Variants in TLN2 observed in about 807,000 individuals in gnomAD.
TLN2 encodes talin 2.
Under a neutral mutation model 294.7 loss-of-function variants are expected in TLN2, and 118 were observed. The ratio of observed to expected loss-of-function variants is 0.40; its 90% CI spans 0.34 to 0.47. TLN2 has a LOEUF of 0.47. Ranked by LOEUF, TLN2 falls within the 20% of genes least tolerant of loss-of-function variation. TLN2 has a pLI of 0.84. For missense variants in TLN2, 3,083 were observed against 3,282.2 expected, an observed-to-expected ratio of 0.94 and a Z score of 1.48; for synonymous variants, 1,431 against 1,304.5, an observed-to-expected ratio of 1.10 and a Z score of -2.09.
Position 62,694,379 on chromosome 15 carries a change from G to A in TLN2, c.1279G>A (p.Val427Ile), listed in dbSNP as rs757965110. The A allele has an allele frequency of 4.5e-5, 72 of 1,613,776 alleles. No homozygotes were observed. Among genetic ancestry groups the A allele is most frequent in the Non-Finnish European group, 5.8e-5 (69 of 1,179,904 alleles). ...DEESTMLEESVSPKKSTILQQ... is the reference protein window; with the variant it reads ...DEESTMLEESISPKKSTILQQ... ...GGAGTCAACCATGTTAGAAGAGTCC[G>A]TTTCCCCAAAAAAGTAAGTATTATG... The change falls in exon 14 of 59, where the codon GTT becomes ATT. Residue 427 changes from valine (V) to isoleucine (I), a missense_variant. Physicochemically the swap from Val to Ile is conservative, Grantham distance 29. Coordinates refer to ENST00000636159, the MANE Select transcript of TLN2 (RefSeq NM_015059.3).
At chr15:62,745,606 C>T (rs975156585) in intron 32 of TLN2, among the ~76,000 whole-genome samples, 9 of 152,106 alleles carry the variant, frequency 5.9e-5, no homozygotes, top group Non-Finnish European at 1.3e-4. Context: ...TCCTTAATCA[C>T]GTAACACATA....
intron 11 of TLN2, 63 bp from the exon 12 acceptor site, chr15:62,686,578 T>C: frequency 6.5e-7 from 1 of 1,539,604 alleles, no homozygotes; most frequent in South Asian, 1.2e-5. Context: ...AAATCACTGA[T>C]TCCCTGGCAA....
chr15:62,496,244 A>G (rs114812878), intron 1 of TLN2, among the ~76,000 whole-genome samples: 107 of 152,342 alleles, frequency 7.0e-4, no homozygotes, highest in African/African-American at 2.5e-3. Flanking sequence ...TACGAAGAGA[A>G]GCAGCTTATT....
At chr15:62,652,160 G>A in intron 6 of TLN2, 26 bp downstream of exon 6, 1 of 1,486,012 alleles carries the variant, frequency 6.7e-7, no homozygotes, top group Non-Finnish European at 9.0e-7. Context: ...CCTTCATTAT[G>A]TCTTTTTGCT....
intron 1 of TLN2, among the ~76,000 whole-genome samples, chr15:62,547,195 C>T (rs1437212502): frequency 2.6e-5 from 4 of 152,180 alleles, no homozygotes; most frequent in African/African-American, 4.8e-5. Context: ...AATTTTTCAG[C>T]CCTTTCATTT....
chr15:62,765,909 G>T (rs1463237885), intron 40 of TLN2, among the ~76,000 whole-genome samples: 2 of 152,182 alleles, frequency 1.3e-5, no homozygotes, highest in Non-Finnish European at 2.9e-5. Context: ...TCCTTGAGGG[G>T]TTATTAGTTC....
chr15:62,742,475 T>A (rs1196463407), intron 32 of TLN2, among the ~76,000 whole-genome samples: 1 of 152,168 alleles, frequency 6.6e-6, no homozygotes, highest in Non-Finnish European at 1.5e-5. Flanking sequence ...TTCACTCTCC[T>A]AAATTGTGGG....
At chr15:62,588,360 G>T (rs989665102) in intron 1 of TLN2, among the ~76,000 whole-genome samples, 1 of 151,790 alleles carries the variant, frequency 6.6e-6, no homozygotes, top group East Asian at 2.0e-4. Context: ...AGAAATAAGG[G>T]CGCAGCGGCT....
At chr15:62,835,838 G>A (rs1295229029) in intron 56 of TLN2, 39 bp downstream of exon 56, 1 of 1,614,050 alleles carries the variant, frequency 6.2e-7, no homozygotes, top group East Asian at 2.2e-5. Flanking sequence ...TGCTTTTGGG[G>A]TCCCCTGAGG....
chr15:62,699,616 T>C (rs192089193), intron 16 of TLN2, among the ~76,000 whole-genome samples: 39 of 152,312 alleles, frequency 2.6e-4, no homozygotes, highest in Admixed American at 2.5e-3. Flanking sequence ...ACCAGCAGCA[T>C]TGGCAATTCC....
intron 41 of TLN2, among the ~76,000 whole-genome samples, chr15:62,769,727 C>T (rs1255320250): frequency 6.6e-6 from 1 of 152,024 alleles, no homozygotes; most frequent in African/African-American, 2.4e-5. Flanking sequence ...GTCCACATCC[C>T]CACAACACTC....
At chr15:62,554,116 G>T (rs185615158) in intron 1 of TLN2, among the ~76,000 whole-genome samples, 59 of 151,914 alleles carry the variant, frequency 3.9e-4, no homozygotes, top group African/African-American at 1.4e-3. Flanking sequence ...CAACCAAGAT[G>T]CTTAATCTAA....
At chr15:62,583,830 CTG>C (rs546526092) in intron 1 of TLN2, among the ~76,000 whole-genome samples, 69 of 152,178 alleles carry the variant, frequency 4.5e-4, no homozygotes, top group African/African-American at 1.4e-3. Flanking sequence ...TTTATCATAA[CTG>C]TTTTTAAAAT....
At chr15:62,552,977 A>G (rs1047462284) in intron 1 of TLN2, among the ~76,000 whole-genome samples, 3 of 152,214 alleles carry the variant, frequency 2.0e-5, no homozygotes, top group African/African-American at 7.2e-5. Context: ...AGAAGCCTGC[A>G]TTTTAAGGAT....
intron 1 of TLN2, among the ~76,000 whole-genome samples, chr15:62,484,889 A>G (rs1188760227): frequency 6.6e-6 from 1 of 152,126 alleles, no homozygotes; most frequent in Non-Finnish European, 1.5e-5. Context: ...ATGACCTTAA[A>G]CTTGTGACTT....
chr15:62,652,645 G>C (rs2052720668), intron 6 of TLN2, among the ~76,000 whole-genome samples: 1 of 152,124 alleles, frequency 6.6e-6, no homozygotes, highest in Non-Finnish European at 1.5e-5. Flanking sequence ...GACACTTCTT[G>C]TTTGACACTG....
At chr15:62,605,609 AT>A (rs1330804921) in intron 2 of TLN2, among the ~76,000 whole-genome samples, 2 of 150,326 alleles carry the variant, frequency 1.3e-5, no homozygotes, top group African/African-American at 4.9e-5. Context: ...TGAATTGAGA[AT>A]CCGGTACTTG....
chr15:62,405,348 C>T (rs1309567408), intron 1 of TLN2, among the ~76,000 whole-genome samples: 3 of 152,152 alleles, frequency 2.0e-5, no homozygotes, highest in Non-Finnish European at 4.4e-5. Context: ...GGGACAGGCA[C>T]CCTGCAGGGC....
At chr15:62,774,953 CTTT>C (rs36003657) in intron 42 of TLN2, among the ~76,000 whole-genome samples, 227 of 101,446 alleles carry the variant, frequency 2.2e-3, no homozygotes, top group African/African-American at 7.7e-3. Context: ...GAATTGCTGG[CTTT>C]TTTTTTTTTT....
Sources: allele counts gnomAD v4.1 joint callset (sites outside exome capture counted in the v4.1 genomes callset), GRCh38; gene constraint gnomAD v4.1.1; transcripts MANE v1.5; gene names NCBI Gene and HGNC (gene_info 2026-07-23, HGNC 2026-07-21).